The following APOL2 variants were observed in gnomAD, a reference collection of about 807,000 sequenced individuals.
APOL2 encodes apolipoprotein L2.
A neutral mutation model predicts 7.1 loss-of-function variants in APOL2; 8 were observed. The ratio of observed to expected loss-of-function variants is 1.12; its 90% CI spans 0.66 to 2.03. The LOEUF is 2.03. APOL2 is among the 30% of genes most tolerant of loss of function. APOL2 has a pLI of 0.00. For synonymous variants in APOL2, 177 were observed against 159.9 expected (o/e 1.11, Z -0.81); for missense variants, 471 against 415.1 (o/e 1.13, Z -1.17).
chr22:36,231,652 G>C (rs111590311), intron 3 of APOL2, among the ~76,000 whole-genome samples, 186 bp from the exon 4 acceptor site: 1 of 152,136 alleles, frequency 6.6e-6, no homozygotes, highest in African/African-American at 2.4e-5. Flanking sequence ...CCCTAAACTC[G>C]AGTGACTATA....
chr22:36,233,265 T>A, intron 2 of APOL2, 24 bp from the exon 3 acceptor site: 11 of 1,613,360 alleles, frequency 6.8e-6, no homozygotes, highest in Non-Finnish European at 9.3e-6. Context: ...AAACAAATTG[T>A]GGGATCGAAG....
intron 4 of APOL2, among the ~76,000 whole-genome samples, chr22:36,229,865 C>T (rs9622356): frequency 0.23 from 35,693 of 152,014 alleles, 4,741 homozygotes; most frequent in Middle Eastern, 0.36. Context: ...CTACTGGGTG[C>T]GGCCACTGCC....
At chr22:36,237,135 G>A in intron 1 of APOL2, 1 of 1,528,658 alleles carries the variant, frequency 6.5e-7, no homozygotes, top group Non-Finnish European at 8.8e-7. Flanking sequence ...TCCCACCTTT[G>A]TCTGGAGCCT....
intron 1 of APOL2, among the ~76,000 whole-genome samples, chr22:36,238,261 A>G (rs2015478175): frequency 6.6e-6 from 1 of 152,242 alleles, no homozygotes. Flanking sequence ...CCTCTGGATG[A>G]CATGGCCCAG....
At position 36,233,220 on chromosome 22, in the gene APOL2, G is replaced by T. The variant is rs1210069185; in HGVS notation, c.-58C>A. ...CTTGGAGCTCTCCAGTCACTGTCCAGACTGGAAGGTTTTCCTTAACCCTTG... is the reference window on the plus strand; with the variant it reads ...CTTGGAGCTCTCCAGTCACTGTCCATACTGGAAGGTTTTCCTTAACCCTTG... On this transcript the variant is annotated 5_prime_UTR_variant, in exon 3 of 5. The change creates a new upstream start codon in the 5' untranslated region. Transcript: ENST00000358502. The T allele has an allele frequency of 6.2e-7, 1 of 1,614,094 alleles. No individual in the cohort carries two copies. Among genetic ancestry groups the T allele is most frequent in the Non-Finnish European group, 8.5e-7 (1 of 1,180,002 alleles).
At chr22:36,236,417 C>T (rs973989747) in intron 1 of APOL2, among the ~76,000 whole-genome samples, 3 of 152,014 alleles carry the variant, frequency 2.0e-5, no homozygotes, top group Admixed American at 1.3e-4. Context: ...TACAAAGTTG[C>T]TAATGGAGGA....
intron 4 of APOL2, among the ~76,000 whole-genome samples, 156 bp from the exon 5 acceptor site, chr22:36,228,436 A>G (rs2015101218): frequency 6.6e-6 from 1 of 152,214 alleles, no homozygotes; most frequent in Non-Finnish European, 1.5e-5. Context: ...TCAAACTCAA[A>G]CACATTTTGT....
chr22:36,238,127 T>C (rs1258181580), intron 1 of APOL2, among the ~76,000 whole-genome samples: 1 of 152,132 alleles, frequency 6.6e-6, no homozygotes. Flanking sequence ...GAACATTCAA[T>C]GGGGACACTG....
chr22:36,230,251 G>A (rs2015170768), intron 4 of APOL2, among the ~76,000 whole-genome samples: 1 of 152,162 alleles, frequency 6.6e-6, no homozygotes, highest in African/African-American at 2.4e-5. Flanking sequence ...TTTGGAAATG[G>A]TCACTAAGGC....
In APOL2 at chr22:36,228,124, C is replaced by T; in HGVS notation, c.294G>A (p.Lys98=). The T allele has an allele frequency of 6.2e-7, 1 of 1,614,208 alleles. No homozygotes were observed. Among genetic ancestry groups the T allele is most frequent in the Non-Finnish European group, 8.5e-7 (1 of 1,180,034 alleles). ...LKRELEDHIR[K]LRALAEEVEQ... ...CAACCTCCTCTGCAAGGGCACGGAG[C>T]TTCCTTATGTGATCCTCAAGCTCCC... Residue 98 remains lysine, a synonymous_variant, in exon 5 of 5, where the codon AAG becomes AAA. Coordinates refer to ENST00000358502, the MANE Select transcript of APOL2 (RefSeq NM_030882.4).
intron 1 of APOL2, 24 bp downstream of exon 1, chr22:36,239,417 T>G (rs997874473): frequency 1.5e-5 from 23 of 1,533,272 alleles, no homozygotes; most frequent in Non-Finnish European, 1.7e-5. Context: ...GACATGGGGG[T>G]AGATCACACT....
At chr22:36,234,899 C>A (rs533563101) in intron 1 of APOL2, among the ~76,000 whole-genome samples, 1 of 152,332 alleles carries the variant, frequency 6.6e-6, no homozygotes, top group East Asian at 1.9e-4. Context: ...AGACTGGGTT[C>A]CCACCCAGAC....
At position 36,227,050 on chromosome 22, in the gene APOL2, T is replaced by C. The variant is rs2015017707; in HGVS notation, c.*354A>G. 1 of 197,968 alleles carries C rather than the reference T, an allele frequency of 5.1e-6. No individual in the cohort carries two copies. Among genetic ancestry groups the C allele is most frequent in the South Asian group, 1.2e-4 (1 of 8,428 alleles). The allele number at this position is 197,968 out of a possible 1,614,324, so 12.3% of individuals were successfully genotyped here. A position where few individuals can be genotyped will look rare whatever the true frequency, so the allele number is the denominator to read the frequency against. On this transcript the variant is annotated 3_prime_UTR_variant, in exon 5 of 5. Transcript: ENST00000358502. ...CTGCATTTTGGCCAGGCGCGGTGGCTCACGCCTGTAATCCCAGCACTTTGG... is the reference window on the plus strand; with the variant it reads ...CTGCATTTTGGCCAGGCGCGGTGGCCCACGCCTGTAATCCCAGCACTTTGG...
intron 1 of APOL2, chr22:36,234,216 C>T (rs981605256): frequency 6.6e-6 from 1 of 152,222 alleles, no homozygotes; most frequent in African/African-American, 2.4e-5. Flanking sequence ...AAGCTATTAA[C>T]ATCTCAAAAG....
chr22:36,231,285 G>A, intron 4 of APOL2, 55 bp downstream of exon 4: 3 of 1,599,436 alleles, frequency 1.9e-6, no homozygotes, highest in Non-Finnish European at 1.7e-6. Flanking sequence ...CAGCCCAGGG[G>A]AGATCTGAGT....
rs750063085 is a variant in APOL2, at chr22:36,228,161, G to GGAAACTCTGTT, written c.256_257insAACAGAGTTTC (p.Pro86GlnfsTer7). ...ATCCTCAAGCTCCCTTTTCAACCGA[G>GGAAACTCTGTT]GAAACTCTTTCAAAAACCACTGCCT... On this transcript the variant is annotated frameshift_variant, in exon 5 of 5. Transcript: ENST00000358502. LOFTEE classifies it low-confidence loss of function (END_TRUNC). The GGAAACTCTGTT allele has an allele frequency of 3.7e-6, 6 of 1,614,198 alleles. No individual in the cohort carries two copies. The Middle Eastern group carries it at 8.2e-4, about 222-fold the overall frequency.
chr22:36,238,019 G>A (rs2015470084), intron 1 of APOL2, among the ~76,000 whole-genome samples: 2 of 152,050 alleles, frequency 1.3e-5, no homozygotes, highest in African/African-American at 2.4e-5. Flanking sequence ...TCCATGCGGC[G>A]GCCCCCAACC....
Position 36,229,208 on chromosome 22 carries a change from C to T in APOL2, c.138-928G>A, listed in dbSNP as rs146020213. Among the ~76,000 whole-genome samples the T allele has an allele frequency of 1.9e-3, 283 of 152,288 alleles. 2 individuals carry two copies. Among genetic ancestry groups the T allele is most frequent in the African/African-American group, 6.4e-3 (268 of 41,562 alleles). ...CACTGGTGGTTGAGGGTCTGACCTG[C>T]CTTTGGCGAGAATCCTGTTAGGCCA... On this transcript the variant is annotated intron_variant, in intron 4 of 4. Coordinates refer to ENST00000358502, the MANE Select transcript of APOL2 (RefSeq NM_030882.4).
At chr22:36,239,301 C>T (rs1037151744) in intron 1 of APOL2, 140 bp downstream of exon 1, 3 of 1,350,594 alleles carry the variant, frequency 2.2e-6, no homozygotes, top group East Asian at 5.3e-5. Context: ...CAAATCCCGG[C>T]TCTGCCACTG....
Sources: allele counts gnomAD v4.1 joint callset (sites outside exome capture counted in the v4.1 genomes callset), GRCh38; gene constraint gnomAD v4.1.1; transcripts MANE v1.5; gene names NCBI Gene and HGNC (gene_info 2026-07-23, HGNC 2026-07-21).